The following MYH13 variants were observed in gnomAD, a reference collection of about 807,000 sequenced individuals.
MYH13 encodes myosin-13.
Under a neutral mutation model 232.1 loss-of-function variants are expected in MYH13, and 177 were observed. The ratio of observed to expected loss-of-function variants is 0.76; its 90% CI spans 0.67 to 0.86. MYH13 has a LOEUF of 0.86. MYH13 is among the 40% of genes least tolerant of loss of function. MYH13 has a pLI of 0.00. For missense variants in MYH13, 2,246 were observed against 2,405.9 expected (o/e 0.93, Z 1.39); for synonymous variants, 884 against 923.5 (o/e 0.96, Z 0.78).
Position 10,346,696 on chromosome 17 carries a change from C to T in MYH13, c.1247G>A (p.Gly416Glu). ...VKVGNEYVTK[G>E]QNVQQVTNSV... ...CTCCATTACCTGCTGGACATTTTGC[C>T]CTTTAGTGACATATTCATTGCCAAC... The change falls in exon 13 of 41, where the codon GGG (glycine) becomes GAG (glutamate). Residue 416 changes from glycine (G) to glutamate (E), a missense_variant. Physicochemically the swap from Gly to Glu is moderately conservative, Grantham distance 98. Transcript: ENST00000252172. 1 of 1,613,152 alleles carries T rather than the reference C, an allele frequency of 6.2e-7. No individual in the cohort carries two copies. Among genetic ancestry groups the T allele is most frequent in the African/African-American group, 1.3e-5 (1 of 75,016 alleles).
In MYH13 at chr17:10,318,685, G is replaced by A. The variant is rs184107139; in HGVS notation, c.3738+105C>T. On this transcript the variant is annotated intron_variant, in intron 27 of 40. Transcript: ENST00000252172. ...GGCAGAAATAGGGAAGAGGGTTTCAGTGTAGAACATGCAGTGGTTTGGAGG... is the reference window on the plus strand; with the variant it reads ...GGCAGAAATAGGGAAGAGGGTTTCAATGTAGAACATGCAGTGGTTTGGAGG... 4 of 1,424,954 alleles carry A rather than the reference G, an allele frequency of 2.8e-6. No individual in the cohort carries two copies. The East Asian group carries it at 9.2e-5, about 33-fold the overall frequency. The allele number at this position is 1,424,954 out of a possible 1,614,324, so 88.3% of individuals were successfully genotyped here. A position where few individuals can be genotyped will look rare whatever the true frequency, so the allele number is the denominator to read the frequency against.
chr17:10,356,285 G>A (rs1184594314), intron 8 of MYH13, among the ~76,000 whole-genome samples: 1 of 152,136 alleles, frequency 6.6e-6, no homozygotes, highest in Non-Finnish European at 1.5e-5. Context: ...AGTATATTTA[G>A]CGGCTTAACA....
At chr17:10,330,245 G>T in intron 21 of MYH13, 142 bp downstream of exon 21, 2 of 1,217,998 alleles carry the variant, frequency 1.6e-6, no homozygotes, top group Non-Finnish European at 2.2e-6. Context: ...ACCCAGCCCA[G>T]GATTGCCGCT....
rs768631820 is a variant in MYH13, at chr17:10,306,504, C to T, written c.5421G>A (p.Leu1807=). Reference sequence around the variant, plus strand: ...TCTGCTTCTTCCCGCCCTTCAGCGCCAGTTGTTCAGCCTCATCTAGACGGT... The same window carrying T: ...TCTGCTTCTTCCCGCCCTTCAGCGCTAGTTGTTCAGCCTCATCTAGACGGT... The part of the protein sequence containing the change: ...LQHRLDEAEQ[L]ALKGGKKQIQ... Residue 1807 remains leucine (L), a synonymous_variant, in exon 37 of 41, where the codon CTG becomes CTA. Coordinates refer to ENST00000252172, the MANE Select transcript of MYH13 (RefSeq NM_003802.3). This position sits in a 1 kb window ranked among gnomAD's most constrained non-coding sequence, Gnocchi z 4.3. 3 of 1,614,014 alleles carry T rather than the reference C, an allele frequency of 1.9e-6. No individual in the cohort carries two copies. In the East Asian group the frequency reaches 6.7e-5, roughly 36 times the overall value.
chr17:10,318,982 C>T lies in MYH13; in HGVS notation c.3546G>A (p.Leu1182=). The part of the protein sequence containing the change: ...EAEFQKMRRD[L]EEATLQHEAT... ...CTTCGTGCTGCAGGGTGGCCTCCTCCAGGTCCCTGCGCATTTTCTGGAACT... is the reference window on the plus strand; with the variant it reads ...CTTCGTGCTGCAGGGTGGCCTCCTCTAGGTCCCTGCGCATTTTCTGGAACT... The change falls in exon 27 of 41, where the codon CTG becomes CTA. Residue 1182 remains leucine (L), a synonymous_variant. Coordinates refer to ENST00000252172, the MANE Select transcript of MYH13 (RefSeq NM_003802.3). 6.2e-7 allele frequency: 1 copy of T among 1,614,162 alleles called. No homozygotes were observed. The highest frequency in any genetic ancestry group is 8.5e-7 in the Non-Finnish European group (1 of 1,180,046).
intron 5 of MYH13, among the ~76,000 whole-genome samples, chr17:10,360,858 G>T (rs758639006): frequency 6.6e-6 from 1 of 152,154 alleles, no homozygotes. Context: ...CACATGGGGA[G>T]AATGCCATAT....
Position 10,364,345 on chromosome 17 carries a change from G to T in MYH13, c.186C>A (p.Val62=), listed in dbSNP as rs2071816394. The change falls in exon 3 of 41, where the codon GTC becomes GTA. Residue 62 remains valine, a synonymous_variant. Coordinates refer to ENST00000252172, the MANE Select transcript of MYH13 (RefSeq NM_003802.3). ...IQTRENDKVI[V]KTLDDRMLTL... is the part of the protein sequence containing the mutation. ...CACTCACCCGGTCATCGAGGGTCTT[G>T]ACTATGACTTTGTCATTTTCCCTAG... 6.2e-7 allele frequency: 1 copy of T among 1,613,588 alleles called. No homozygotes were observed. Among genetic ancestry groups the T allele is most frequent in the Non-Finnish European group, 8.5e-7 (1 of 1,179,706 alleles).
chr17:10,359,193 A>G (rs1465596106), intron 7 of MYH13, among the ~76,000 whole-genome samples: 1 of 152,226 alleles, frequency 6.6e-6, no homozygotes, highest in Non-Finnish European at 1.5e-5. Flanking sequence ...GCTGGCTGCC[A>G]GGGAACCAAC....
At chr17:10,345,141 G>A (rs1294803273) in intron 15 of MYH13, 61 bp downstream of exon 15, 66 of 1,613,410 alleles carry the variant, frequency 4.1e-5, no homozygotes, top group Non-Finnish European at 5.5e-5. Context: ...AAAAGAATCA[G>A]AGCAAGAAGG....
At chr17:10,352,085 G>T (rs1315007632) in intron 11 of MYH13, among the ~76,000 whole-genome samples, 1 of 152,198 alleles carries the variant, frequency 6.6e-6, no homozygotes, top group Non-Finnish European at 1.5e-5. Context: ...TCCTAGGGAA[G>T]GGTCGTTGTA....
chr17:10,339,921 A>G (rs1270616174), intron 18 of MYH13, among the ~76,000 whole-genome samples: 2 of 152,234 alleles, frequency 1.3e-5, no homozygotes, highest in Non-Finnish European at 2.9e-5. Flanking sequence ...AAATGTGCAA[A>G]GATCATATCT....
chr17:10,370,561 C>G (rs1056680635), intron 2 of MYH13, among the ~76,000 whole-genome samples: 3 of 152,142 alleles, frequency 2.0e-5, no homozygotes, highest in African/African-American at 7.2e-5. Flanking sequence ...CTCCATCACC[C>G]ACTTGTGAGG....
intron 1 of MYH13, among the ~76,000 whole-genome samples, chr17:10,372,479 G>A (rs1488367630): frequency 6.6e-6 from 1 of 152,206 alleles, no homozygotes; most frequent in Non-Finnish European, 1.5e-5. Flanking sequence ...AGAACAGTCT[G>A]CAAACCAGTC....
Position 10,354,729 on chromosome 17 carries a change from T to C in MYH13, c.956A>G (p.Glu319Gly), listed in dbSNP as rs1434786535. The change falls in exon 11 of 41, where the codon GAG becomes GGG. Residue 319 changes from glutamate (E) to glycine (G), a missense_variant. Glu to Gly is a moderately conservative substitution (Grantham distance 98). Transcript: ENST00000252172. ...GTCATCGATACTGGCTACCGTGACCTCTCCTTGGCTCACGAAGGGGAAGTC... is the reference window on the plus strand; with the variant it reads ...GTCATCGATACTGGCTACCGTGACCCCTCCTTGGCTCACGAAGGGGAAGTC... ...PFDFPFVSQG[E>G]VTVASIDDSE... 1.2e-6 allele frequency: 2 copies of C among 1,613,862 alleles called. No homozygotes were observed. Among genetic ancestry groups the C allele is most frequent in the African/African-American group, 2.7e-5 (2 of 74,910 alleles).
chr17:10,367,647 C>G (rs931576570), intron 2 of MYH13, among the ~76,000 whole-genome samples: 13 of 152,118 alleles, frequency 8.5e-5, no homozygotes, highest in Non-Finnish European at 1.5e-4. Flanking sequence ...CCGTGCCTGG[C>G]CAACATAAAT....
chr17:10,316,829 G>T (rs77764876), intron 27 of MYH13, among the ~76,000 whole-genome samples: 23,170 of 152,090 alleles, frequency 0.15, 1,901 homozygotes, highest in East Asian at 0.31. Flanking sequence ...TCCTCCTGCT[G>T]CTCCATAAAA....
At chr17:10,320,009 A>G (rs1470746346) in intron 26 of MYH13, 144 bp downstream of exon 26, 2 of 685,066 alleles carry the variant, frequency 2.9e-6, no homozygotes, top group East Asian at 5.5e-5. Context: ...TATTATTTTC[A>G]AAAACTAAAG....
chr17:10,353,341 A>T (rs147617982), intron 11 of MYH13, among the ~76,000 whole-genome samples: 21 of 152,208 alleles, frequency 1.4e-4, no homozygotes, highest in African/African-American at 4.1e-4. Context: ...GATCATGAAA[A>T]TTTTTCTATT....
In MYH13 at chr17:10,345,512, C is replaced by G; in HGVS notation, c.1368G>C (p.Gln456His). The change falls in exon 14 of 41, where the codon CAG becomes CAC. Residue 456 changes from glutamine (Q) to histidine (H), a missense_variant. Coordinates refer to ENST00000252172, the MANE Select transcript of MYH13 (RefSeq NM_003802.3). Reference protein sequence around the residue: ...NQQLDTKQPRQYFIGVLDIAG... With the variant: ...NQQLDTKQPRHYFIGVLDIAG... ...CAATGTCCAAGACCCCGATGAAGTACTGCCTGGGCTGCTTGGTGTCCAGCT... is the reference window on the plus strand; with the variant it reads ...CAATGTCCAAGACCCCGATGAAGTAGTGCCTGGGCTGCTTGGTGTCCAGCT... 6.2e-7 allele frequency: 1 copy of G among 1,614,188 alleles called. No homozygotes were observed.
Sources: gnomAD v4.1 joint callset for allele counts (sites outside exome capture counted in the v4.1 genomes callset) on GRCh38, gnomAD v4.1.1 for gene constraint, Gnocchi (gnomAD v3.1) non-coding constraint, MANE v1.5 for transcripts, NCBI Gene and HGNC (gene_info 2026-07-23, HGNC 2026-07-21) for gene names.